The following NKAIN2 variants were observed in gnomAD, a reference collection of about 807,000 sequenced individuals.
NKAIN2 encodes sodium/potassium transporting ATPase interacting 2, also known as sodium/potassium-transporting ATPase subunit beta-1-interacting protein 2.
A neutral mutation model predicts 32.6 loss-of-function variants in NKAIN2; 14 were observed. The observed-to-expected ratio is 0.43, with a 90% confidence interval of 0.28 to 0.67. The LOEUF (loss-of-function observed/expected upper bound fraction) is 0.67. Ranked by LOEUF, NKAIN2 falls within the 30% of genes least tolerant of loss-of-function variation. The pLI is 0.17. For synonymous variants in NKAIN2, 80 were observed against 87.2 expected (o/e 0.92, Z 0.46); for missense variants, 198 against 258.3 (o/e 0.77, Z 1.60).
intron 4 of NKAIN2, among the ~76,000 whole-genome samples, chr6:124,746,026 T>A (rs1300305028): frequency 6.6e-6 from 1 of 151,830 alleles, no homozygotes; most frequent in Non-Finnish European, 1.5e-5. Flanking sequence ...TGTAACTCAT[T>A]ACCTATGTAA....
intron 1 of NKAIN2, among the ~76,000 whole-genome samples, chr6:123,845,687 A>G (rs187734519): frequency 6.6e-6 from 1 of 152,314 alleles, no homozygotes; most frequent in Admixed American, 6.5e-5. Flanking sequence ...TGTAGGTCCG[A>G]CTGTAGGACT....
intron 1 of NKAIN2, among the ~76,000 whole-genome samples, chr6:124,120,765 C>T (rs73566069): frequency 6.6e-6 from 1 of 151,932 alleles, no homozygotes; most frequent in Non-Finnish European, 1.5e-5. Context: ...AAATGTAAAA[C>T]CTTAATACAA....
chr6:124,549,612 C>T (rs1031268031), intron 3 of NKAIN2, among the ~76,000 whole-genome samples: 1 of 152,156 alleles, frequency 6.6e-6, no homozygotes, highest in Non-Finnish European at 1.5e-5. Flanking sequence ...GTCCCAGGAT[C>T]CCACATCTCG....
intron 1 of NKAIN2, among the ~76,000 whole-genome samples, chr6:124,244,402 C>T (rs1793280771): frequency 6.6e-6 from 1 of 151,688 alleles, no homozygotes; most frequent in Admixed American, 6.6e-5. Flanking sequence ...CATCCATGTC[C>T]CTACAAAGGA....
intron 4 of NKAIN2, among the ~76,000 whole-genome samples, chr6:124,659,110 G>A (rs1784651041): frequency 6.6e-6 from 1 of 152,024 alleles, no homozygotes; most frequent in African/African-American, 2.4e-5. Flanking sequence ...TCTCAAGAAG[G>A]CCAACTGCAT....
intron 4 of NKAIN2, among the ~76,000 whole-genome samples, chr6:124,679,880 A>G (rs972321908): frequency 6.6e-6 from 1 of 152,188 alleles, no homozygotes; most frequent in Admixed American, 6.5e-5. Flanking sequence ...GGATTTTTAC[A>G]TGAGAGCTGG....
At chr6:124,125,803 T>A (rs1786135052) in intron 1 of NKAIN2, among the ~76,000 whole-genome samples, 1 of 152,072 alleles carries the variant, frequency 6.6e-6, no homozygotes, top group Admixed American at 6.6e-5. Context: ...TTGGAAAAAA[T>A]CTACTGTGTT....
chr6:124,220,733 G>T (rs1405697240), intron 1 of NKAIN2, among the ~76,000 whole-genome samples: 1 of 151,772 alleles, frequency 6.6e-6, no homozygotes, highest in African/African-American at 2.4e-5. Context: ...TTTGTTAATT[G>T]TCTATCTTTC....
chr6:124,637,016 C>T (rs993498231), intron 3 of NKAIN2, among the ~76,000 whole-genome samples: 1 of 151,932 alleles, frequency 6.6e-6, no homozygotes, highest in Non-Finnish European at 1.5e-5. Context: ...CTGAATATAA[C>T]ATTACATTAA....
At chr6:123,967,037 T>C in intron 1 of NKAIN2, among the ~76,000 whole-genome samples, 1 of 152,196 alleles carries the variant, frequency 6.6e-6, no homozygotes, top group African/African-American at 2.4e-5. Context: ...TTTAGAGATA[T>C]CTATACTTAC....
intron 2 of NKAIN2, among the ~76,000 whole-genome samples, chr6:124,330,206 G>A (rs946738163): frequency 2.6e-5 from 4 of 152,164 alleles, no homozygotes; most frequent in African/African-American, 7.2e-5. Flanking sequence ...AAGTGGTGAG[G>A]TCCTCATTGC....
intron 1 of NKAIN2, among the ~76,000 whole-genome samples, chr6:124,067,082 T>C (rs1490777219): frequency 6.6e-6 from 1 of 152,144 alleles, no homozygotes; most frequent in African/African-American, 2.4e-5. Flanking sequence ...GGTAGGTTTC[T>C]CCCTAGATTT....
At chr6:124,521,036 G>A (rs911982117) in intron 3 of NKAIN2, among the ~76,000 whole-genome samples, 4 of 152,050 alleles carry the variant, frequency 2.6e-5, no homozygotes, top group Non-Finnish European at 5.9e-5. Flanking sequence ...GTTGTTGTTG[G>A]CAGACCCTGT....
intron 1 of NKAIN2, among the ~76,000 whole-genome samples, chr6:124,277,097 A>G (rs1795069795): frequency 6.6e-6 from 1 of 152,202 alleles, no homozygotes; most frequent in South Asian, 2.1e-4. Context: ...AAAATTTTAC[A>G]TGAATCAAGG....
intron 1 of NKAIN2, among the ~76,000 whole-genome samples, chr6:124,215,789 T>C (rs945877694): frequency 1.3e-5 from 2 of 152,114 alleles, no homozygotes; most frequent in African/African-American, 2.4e-5. Flanking sequence ...ATACATGAGA[T>C]CCAGAAACTA....
chr6:124,335,715 T>C (rs1797834340), intron 2 of NKAIN2, among the ~76,000 whole-genome samples: 1 of 152,196 alleles, frequency 6.6e-6, no homozygotes, highest in Non-Finnish European at 1.5e-5. Context: ...CCTGATTTCC[T>C]TATTCTAATA....
chr6:124,623,791 C>T (rs557966147), intron 3 of NKAIN2, among the ~76,000 whole-genome samples: 1 of 152,296 alleles, frequency 6.6e-6, no homozygotes, highest in South Asian at 2.1e-4. Flanking sequence ...TACTGTTTCA[C>T]GCCCAGACAT....
intron 3 of NKAIN2, among the ~76,000 whole-genome samples, chr6:124,388,197 T>C (rs1300277784): frequency 6.6e-6 from 1 of 151,698 alleles, no homozygotes; most frequent in Admixed American, 6.6e-5. Context: ...AAAAAAACCC[T>C]GCTTACCCTC....
chr6:124,625,983 T>C (rs1292425514), intron 3 of NKAIN2, among the ~76,000 whole-genome samples: 1 of 151,904 alleles, frequency 6.6e-6, no homozygotes, highest in Non-Finnish European at 1.5e-5. Context: ...AGGGTACATG[T>C]GCACAATATG....
Sources: gnomAD v4.1 joint callset for allele counts (sites outside exome capture counted in the v4.1 genomes callset) on GRCh38, gnomAD v4.1.1 for gene constraint, MANE v1.5 for transcripts, NCBI Gene and HGNC (gene_info 2026-07-23, HGNC 2026-07-21) for gene names.